The following AVL9 variants were observed in gnomAD, a reference collection of about 807,000 sequenced individuals.
The protein encoded by AVL9 is late secretory pathway protein AVL9 homolog.
A neutral mutation model predicts 79.2 loss-of-function variants in AVL9; 49 were observed. The ratio of observed to expected loss-of-function variants is 0.62; its 90% CI spans 0.49 to 0.79. The LOEUF (loss-of-function observed/expected upper bound fraction) is 0.79. AVL9 is among the 30% of genes least tolerant of loss of function. The pLI, the probability that AVL9 is intolerant of heterozygous loss-of-function variation, is 0.00. For synonymous variants in AVL9, 299 were observed against 280.6 expected, an observed-to-expected ratio of 1.07 and a Z score of -0.65; for missense variants, 682 against 776.8, an observed-to-expected ratio of 0.88 and a Z score of 1.45.
intron 6 of AVL9, 106 bp from the exon 7 acceptor site, chr7:32,553,618 CCTA>C (rs1789930355): frequency 8.7e-6 from 6 of 687,516 alleles, no homozygotes; most frequent in Non-Finnish European, 1.4e-5. Context: ...TTTGCATATT[CCTA>C]CTTTTTTTTT....
At chr7:32,541,122 C>T (rs1403974206) in intron 1 of AVL9, among the ~76,000 whole-genome samples, 2 of 151,608 alleles carry the variant, frequency 1.3e-5, no homozygotes, top group African/African-American at 4.8e-5. Context: ...GGGATGGTCT[C>T]GATCTCCTGA....
intron 1 of AVL9, chr7:32,536,281 T>TA (rs1036249591): frequency 6.6e-6 from 1 of 152,220 alleles, no homozygotes; most frequent in African/African-American, 2.4e-5. Flanking sequence ...GGCAGCCTAC[T>TA]ACACTTATCA....
rs1460521933 is a variant in AVL9 at position 32,573,055 on chromosome 7, CTCTT to C, written c.1351-139_1351-136del. The stretch of plus-strand genomic sequence containing the variant: ...AGAAAGAAAACTTCAGTGTACAAAC[CTCTT>C]TCTTAGACTCACCTTTTGAGAATGC... On this transcript the variant is annotated intron_variant, in intron 11 of 15. Coordinates refer to ENST00000318709, the MANE Select transcript of AVL9 (RefSeq NM_015060.3). 8 of 597,438 alleles carry C rather than the reference CTCTT, an allele frequency of 1.3e-5. No homozygotes were observed. The Admixed American group carries it at 1.5e-4, about 11-fold the overall frequency. 37.0% of individuals were successfully genotyped at this position (597,438 alleles called of 1,614,324 possible).
At chr7:32,523,084 A>C (rs1788232266) in intron 1 of AVL9, among the ~76,000 whole-genome samples, 1 of 150,796 alleles carries the variant, frequency 6.6e-6, no homozygotes, top group South Asian at 2.1e-4. Context: ...TGAATACAGA[A>C]GCCTAATCAA....
chr7:32,523,144 A>AT (rs1401089042), intron 1 of AVL9, among the ~76,000 whole-genome samples: 1 of 111,138 alleles, frequency 9.0e-6, no homozygotes, highest in Non-Finnish European at 1.8e-5. Flanking sequence ...CATTGGGGTA[A>AT]TTAACCAAAA....
intron 6 of AVL9, 45 bp from the exon 7 acceptor site, chr7:32,553,682 A>C: frequency 6.7e-7 from 1 of 1,490,812 alleles, no homozygotes; most frequent in East Asian, 2.3e-5. Context: ...TGCAGCAAAA[A>C]CATTACATTG....
At chr7:32,538,425 G>GT (rs1381025875) in intron 1 of AVL9, 5 of 152,124 alleles carry the variant, frequency 3.3e-5, no homozygotes, top group Non-Finnish European at 5.9e-5. Context: ...TTAGAAAATT[G>GT]TTTTTGTGTA....
intron 11 of AVL9, 33 bp from the exon 12 acceptor site, chr7:32,573,166 C>T: frequency 6.4e-7 from 1 of 1,574,052 alleles, no homozygotes; most frequent in Admixed American, 1.7e-5. Flanking sequence ...GCGTGAATGC[C>T]CAGACTCTGA....
At chr7:32,557,218 T>A (rs1176922822) in intron 8 of AVL9, among the ~76,000 whole-genome samples, 1 of 152,044 alleles carries the variant, frequency 6.6e-6, no homozygotes, top group Non-Finnish European at 1.5e-5. Context: ...TATTATTTAA[T>A]TTTTTATTTT....
intron 3 of AVL9, among the ~76,000 whole-genome samples, chr7:32,548,409 A>G (rs1424763869): frequency 6.6e-6 from 1 of 152,014 alleles, no homozygotes; most frequent in African/African-American, 2.4e-5. Flanking sequence ...CAGCCTCCCA[A>G]AATGCTGAGA....
At chr7:32,513,094 G>C (rs1261696703) in intron 1 of AVL9, among the ~76,000 whole-genome samples, 1 of 152,190 alleles carries the variant, frequency 6.6e-6, no homozygotes, top group Non-Finnish European at 1.5e-5. Flanking sequence ...CTTAAAGCCA[G>C]CACAGGGAGA....
At chr7:32,534,777 T>C (rs1788820994) in intron 1 of AVL9, 1 of 152,056 alleles carries the variant, frequency 6.6e-6, no homozygotes, top group South Asian at 2.1e-4. Context: ...AAACCTCATC[T>C]CTACTGAAAA....
At chr7:32,539,706 A>G (rs974710150) in intron 1 of AVL9, among the ~76,000 whole-genome samples, 1 of 152,222 alleles carries the variant, frequency 6.6e-6, no homozygotes, top group Non-Finnish European at 1.5e-5. Flanking sequence ...CAAATTTATT[A>G]AAGTTCTGAG....
Position 32,562,926 on chromosome 7 carries a change from C to G in AVL9, c.1215+3462C>G, listed in dbSNP as rs550538262. 7.9e-5 allele frequency among the ~76,000 whole-genome samples: 12 copies of G among 152,244 alleles called. No homozygotes were observed. In the South Asian group the frequency reaches 2.3e-3, roughly 29 times the overall value. On this transcript the variant is annotated intron_variant, in intron 10 of 15. Coordinates refer to ENST00000318709, the MANE Select transcript of AVL9 (RefSeq NM_015060.3). ...TTTACAGTTTAGAGTAAGACCCTGT[C>G]TCTATATAAAAATAAATAAAGTTAC...
intron 6 of AVL9, 104 bp from the exon 7 acceptor site, chr7:32,553,619 CTACT>C (rs973297070): frequency 3.5e-5 from 24 of 694,992 alleles, no homozygotes; most frequent in Non-Finnish European, 5.4e-5. Context: ...TTGCATATTC[CTACT>C]TTTTTTTTTT....
Position 32,558,543 on chromosome 7 carries a change from A to AT in AVL9, c.610-14dup. 6.3e-7 allele frequency: 1 copy of AT among 1,590,996 alleles called. No homozygotes were observed. Among genetic ancestry groups the AT allele is most frequent in the South Asian group, 1.1e-5 (1 of 88,452 alleles). ...TCATGGGTCTTCTAATTTGATTTTG[A>AT]TTGACTCCATTCCAGGTTCTTTTTT... On this transcript the variant is annotated splice_polypyrimidine_tract_variant and intron_variant, in intron 8 of 15. Coordinates refer to ENST00000318709, the MANE Select transcript of AVL9 (RefSeq NM_015060.3).
chr7:32,517,165 G>A (rs1294542279), intron 1 of AVL9, among the ~76,000 whole-genome samples: 1 of 152,124 alleles, frequency 6.6e-6, no homozygotes, highest in African/African-American at 2.4e-5. Context: ...GTGTATGTGT[G>A]TGTTTATGTG....
chr7:32,583,779 CCT>C lies in AVL9; in HGVS notation c.1832-9_1832-8del, dbSNP rs1562805315. 1 of 1,567,350 alleles carries C rather than the reference CCT, an allele frequency of 6.4e-7. No homozygotes were observed. The highest frequency in any genetic ancestry group is 2.3e-5 in the East Asian group (1 of 44,382). ...AAGACATTTTTCCTTTTGTTTTTCTCCTCTCCATCCAGGCCAGTCAGTTGGAG... is the reference window on the plus strand; with the variant it reads ...AAGACATTTTTCCTTTTGTTTTTCTCCTCCATCCAGGCCAGTCAGTTGGAG... On this transcript the variant is annotated splice_polypyrimidine_tract_variant and intron_variant, in intron 15 of 15. Transcript: ENST00000318709.
chr7:32,517,752 T>C (rs1787968213), intron 1 of AVL9, among the ~76,000 whole-genome samples: 1 of 152,158 alleles, frequency 6.6e-6, no homozygotes, highest in South Asian at 2.1e-4. Context: ...TGTCAAAATT[T>C]GGCATAAGCA....
Sources: allele counts gnomAD v4.1 joint callset (sites outside exome capture counted in the v4.1 genomes callset), GRCh38; gene constraint gnomAD v4.1.1; transcripts MANE v1.5; gene names NCBI Gene and HGNC (gene_info 2026-07-23, HGNC 2026-07-21).